Variants in NT5C2 observed in about 807,000 individuals in gnomAD.
NT5C2 encodes cytosolic purine 5'-nucleotidase.
A neutral mutation model predicts 76.1 loss-of-function variants in NT5C2; 58 were observed. That is an observed-to-expected ratio of 0.76 (90% CI 0.62 to 0.95). The LOEUF is 0.95. Ranked by LOEUF, NT5C2 falls within the 40% of genes least tolerant of loss-of-function variation. NT5C2 has a pLI of 0.00. For synonymous variants in NT5C2, 229 were observed against 237.4 expected, an observed-to-expected ratio of 0.96 and a Z score of 0.32; for missense variants, 478 against 690.3, an observed-to-expected ratio of 0.69 and a Z score of 3.45.
At chr10:103,132,509 CTAAAT>C (rs1565120085) in intron 4 of NT5C2, among the ~76,000 whole-genome samples, 1 of 151,972 alleles carries the variant, frequency 6.6e-6, no homozygotes, top group South Asian at 2.1e-4. Flanking sequence ...GGAGAACTCT[CTAAAT>C]TATTTTTGTA....
intron 2 of NT5C2, among the ~76,000 whole-genome samples, chr10:103,178,955 T>TTTTTTTTC (rs1238374806): frequency 3.6e-5 from 3 of 83,538 alleles, no homozygotes; most frequent in Non-Finnish European, 5.3e-5. Flanking sequence ...TCTTTTTTTC[T>TTTTTTTTC]TTTTTTTTTT....
At chr10:103,143,559 C>T (rs2080921250) in intron 3 of NT5C2, among the ~76,000 whole-genome samples, 1 of 151,278 alleles carries the variant, frequency 6.6e-6, no homozygotes, top group African/African-American at 2.4e-5. Flanking sequence ...GCCTCAGCCT[C>T]CCAAGTAGCT....
At chr10:103,093,810 C>A in intron 14 of NT5C2, 162 bp downstream of exon 14, 1 of 572,738 alleles carries the variant, frequency 1.7e-6, no homozygotes, top group Non-Finnish European at 3.1e-6. Flanking sequence ...ACTGCTCAAA[C>A]CCAGACTCCT....
At chr10:103,144,371 C>T (rs968714325) in intron 3 of NT5C2, among the ~76,000 whole-genome samples, 3 of 152,176 alleles carry the variant, frequency 2.0e-5, no homozygotes, top group African/African-American at 7.2e-5. Context: ...AAGAAAGATG[C>T]TAGCTAGCTT....
intron 11 of NT5C2, 75 bp from the exon 12 acceptor site, chr10:103,096,055 T>C: frequency 9.3e-7 from 1 of 1,078,170 alleles, no homozygotes; most frequent in Non-Finnish European, 1.4e-6. Context: ...AATTACAAGC[T>C]TTTCACAAAA....
chr10:103,143,151 T>A (rs1717317275), intron 3 of NT5C2, among the ~76,000 whole-genome samples: 1 of 152,182 alleles, frequency 6.6e-6, no homozygotes, highest in South Asian at 2.1e-4. Context: ...CTTTTCTTTG[T>A]CTTCATTTCA....
intron 18 of NT5C2, 22 bp from the exon 19 acceptor site, chr10:103,089,930 G>A (rs545372260): frequency 5.9e-5 from 92 of 1,559,682 alleles, no homozygotes; most frequent in Non-Finnish European, 7.7e-5. Context: ...AAAGCTAGAG[G>A]CTCAGAAAGC....
intron 3 of NT5C2, among the ~76,000 whole-genome samples, chr10:103,157,410 T>C (rs1284581210): frequency 6.6e-6 from 1 of 152,134 alleles, no homozygotes; most frequent in Non-Finnish European, 1.5e-5. Context: ...GCAAACTAAA[T>C]ATGTTGATGA....
intron 4 of NT5C2, among the ~76,000 whole-genome samples, chr10:103,124,115 C>A (rs932068470): frequency 6.6e-6 from 1 of 152,160 alleles, no homozygotes; most frequent in Non-Finnish European, 1.5e-5. Context: ...CGTGCAACTG[C>A]AAACATTAAC....
chr10:103,114,740 C>T (rs575548312), intron 4 of NT5C2, among the ~76,000 whole-genome samples: 13 of 152,098 alleles, frequency 8.5e-5, no homozygotes, highest in Admixed American at 3.9e-4. Flanking sequence ...CAAGAAAAAA[C>T]GGAGGAAGTG....
chr10:103,143,715 G>A (rs1041948737), intron 3 of NT5C2, among the ~76,000 whole-genome samples: 10 of 150,002 alleles, frequency 6.7e-5, no homozygotes, highest in African/African-American at 2.2e-4. Context: ...CAGCACTTTG[G>A]GAGGCCAAGG....
chr10:103,177,696 T>C (rs2090270055), intron 2 of NT5C2, among the ~76,000 whole-genome samples: 1 of 152,122 alleles, frequency 6.6e-6, no homozygotes, highest in Non-Finnish European at 1.5e-5. Context: ...TAATTATTAT[T>C]TTTTTTAATT....
rs1334499913 is a variant in NT5C2, at chr10:103,089,256, A to T, written c.*416T>A. 1 of 223,408 alleles carries T rather than the reference A, an allele frequency of 4.5e-6. No homozygotes were observed. Among genetic ancestry groups the T allele is most frequent in the Non-Finnish European group, 8.9e-6 (1 of 112,242 alleles). The allele number at this position is 223,408 out of a possible 1,614,324, so 13.8% of individuals were successfully genotyped here. A position where few individuals can be genotyped will look rare whatever the true frequency, so the allele number is the denominator to read the frequency against. On this transcript the variant is annotated 3_prime_UTR_variant, in exon 19 of 19. Coordinates refer to ENST00000404739, the MANE Select transcript of NT5C2 (RefSeq NM_001351169.2). ...TATACAATACCATGTAATGCACTGG[A>T]AAAGTTGGACCTTGGAGTAATAGCA...
chr10:103,112,926 T>A (rs1234431989), intron 4 of NT5C2, among the ~76,000 whole-genome samples: 1 of 152,190 alleles, frequency 6.6e-6, no homozygotes, highest in Non-Finnish European at 1.5e-5. Flanking sequence ...AATTATCATA[T>A]AAACAAATGC....
chr10:103,161,703 G>A (rs989545594), intron 3 of NT5C2, among the ~76,000 whole-genome samples: 7 of 151,734 alleles, frequency 4.6e-5, no homozygotes, highest in Non-Finnish European at 8.8e-5. Context: ...CAGCCTGGAT[G>A]ACAGAGTAAG....
At chr10:103,143,223 C>T (rs975481533) in intron 3 of NT5C2, among the ~76,000 whole-genome samples, 14 of 151,968 alleles carry the variant, frequency 9.2e-5, no homozygotes, top group Admixed American at 2.6e-4. Flanking sequence ...CAGTGTACAT[C>T]AAAATCACAA....
chr10:103,094,880 C>A (rs1228705981), intron 12 of NT5C2, among the ~76,000 whole-genome samples: 610 of 136,542 alleles, frequency 4.5e-3, no homozygotes, highest in Non-Finnish European at 5.1e-3. Flanking sequence ...GACTCCATCT[C>A]AAAAAAAAAA....
intron 1 of NT5C2, among the ~76,000 whole-genome samples, chr10:103,186,947 T>A (rs2092099807): frequency 6.7e-6 from 1 of 148,838 alleles, no homozygotes; most frequent in African/African-American, 2.5e-5. Flanking sequence ...ACTGACCAGA[T>A]TTGTGAAAGA....
In NT5C2 at chr10:103,089,839, G is replaced by T; in HGVS notation, c.1519C>A (p.Arg507=). Residue 507 remains arginine, a synonymous_variant, in exon 19 of 19, where the codon CGG becomes AGG. Transcript: ENST00000404739. ...INEMESPLAT[R]NRTSVDFKDT... ...TTGAAATCCACTGATGTGCGGTTCC[G>T]GGTGGCAAGAGGAGACTCCATCTCA... is the stretch of plus-strand genomic sequence containing the variant. The T allele has an allele frequency of 2.5e-6, 4 of 1,614,044 alleles. No individual in the cohort carries two copies. Among genetic ancestry groups the T allele is most frequent in the Non-Finnish European group, 3.4e-6 (4 of 1,179,996 alleles).
Sources: gnomAD v4.1 joint callset for allele counts (sites outside exome capture counted in the v4.1 genomes callset) on GRCh38, gnomAD v4.1.1 for gene constraint, MANE v1.5 for transcripts, NCBI Gene and HGNC (gene_info 2026-07-23, HGNC 2026-07-21) for gene names.